The following ZNF133 variants were observed in gnomAD, a reference collection of about 807,000 sequenced individuals.
The protein encoded by ZNF133 is zinc finger protein 133, also known as zinc finger protein 133 (clone pHZ-13).
Under a neutral mutation model 54.9 loss-of-function variants are expected in ZNF133, and 26 were observed. That is an observed-to-expected ratio of 0.47 (90% CI 0.35 to 0.66). The LOEUF (loss-of-function observed/expected upper bound fraction) is 0.66, where lower values mean the gene tolerates loss of function less well. ZNF133 is among the 30% of genes least tolerant of loss of function. ZNF133 has a pLI of 0.01. For missense variants in ZNF133, 653 were observed against 820.8 expected (o/e 0.80, Z 2.50); for synonymous variants, 298 against 320.3 (o/e 0.93, Z 0.74).
intron 6 of ZNF133, among the ~76,000 whole-genome samples, chr20:18,312,016 G>T (rs1045274345): frequency 6.6e-6 from 1 of 152,160 alleles, no homozygotes; most frequent in African/African-American, 2.4e-5. Context: ...TGTTTGGTTG[G>T]TTGGTTGGTT....
intron 6 of ZNF133, chr20:18,313,752 A>G (rs1282037928): frequency 2.0e-5 from 3 of 152,196 alleles, no homozygotes; most frequent in Non-Finnish European, 4.4e-5. Context: ...AACCAAATAA[A>G]CTTAGTGAGA....
chr20:18,288,818 G>A (rs573489883), intron 1 of ZNF133, among the ~76,000 whole-genome samples: 1 of 152,276 alleles, frequency 6.6e-6, no homozygotes, highest in African/African-American at 2.4e-5. Flanking sequence ...GGGGAGTTGG[G>A]TGAAGCCCAT....
chr20:18,310,189 T>G (rs1301689782), intron 6 of ZNF133: 1 of 1,390,682 alleles, frequency 7.2e-7, no homozygotes. Flanking sequence ...GCTCTTACAA[T>G]GATGTTGAGC....
Position 18,316,961 on chromosome 20 carries a change from G to A in ZNF133, c.*145G>A, listed in dbSNP as rs978184384. On this transcript the variant is annotated 3_prime_UTR_variant, in exon 7 of 7. Coordinates refer to ENST00000425686, the MANE Select transcript of ZNF133 (RefSeq NM_001352452.2). ...GTCTTCTCCATGTTTTGTGGCCTTC[G>A]GTTGTAATAAACTTGGCTTCTTTAT... is the stretch of plus-strand genomic sequence containing the variant. 2.2e-5 allele frequency: 24 copies of A among 1,067,726 alleles called. No individual in the cohort carries two copies. The highest frequency in any genetic ancestry group is 6.4e-5 in the African/African-American group (4 of 62,446). The allele number at this position is 1,067,726 out of a possible 1,614,324, so 66.1% of individuals were successfully genotyped here.
At chr20:18,313,358 C>T (rs922722740) in intron 6 of ZNF133, 1 of 152,184 alleles carries the variant, frequency 6.6e-6, no homozygotes, top group African/African-American at 2.4e-5. Flanking sequence ...AAATAAAAGC[C>T]TGCCACTTTA....
chr20:18,306,246 A>G, intron 5 of ZNF133, 52 bp from the exon 6 acceptor site: 1 of 1,547,746 alleles, frequency 6.5e-7, no homozygotes, highest in Non-Finnish European at 8.8e-7. Flanking sequence ...GAATTCTTGA[A>G]TGGGCTCTTG....
chr20:18,290,716 T>C (rs1281780067), intron 1 of ZNF133, among the ~76,000 whole-genome samples: 6 of 152,180 alleles, frequency 3.9e-5, no homozygotes, highest in Admixed American at 3.9e-4. Flanking sequence ...CTCTGCCTCA[T>C]TTCTCCTCCT....
intron 6 of ZNF133, 181 bp from the exon 7 acceptor site, chr20:18,314,888 T>G: frequency 1.8e-6 from 1 of 558,794 alleles, no homozygotes; most frequent in East Asian, 3.0e-5. Flanking sequence ...AAGTGGGTTT[T>G]CTAGATTGTA....
rs367680939 is a variant in ZNF133, at chr20:18,305,661, G to A, written c.-6-20G>A. 8 of 1,613,942 alleles carry A rather than the reference G, an allele frequency of 5.0e-6. No homozygotes were observed. The African/African-American group carries it at 9.3e-5, about 19-fold the overall frequency. On this transcript the variant is annotated intron_variant, in intron 4 of 6. Coordinates refer to ENST00000425686, the MANE Select transcript of ZNF133 (RefSeq NM_001352452.2). This position sits in a 1 kb window ranked among gnomAD's most constrained non-coding sequence, Gnocchi z 4.7. ...GCAAGGCTGGCTTCTGAGTGAGCAGGGCTCAGTTTTGTGTTACAGGCACAC... is the reference window on the plus strand; with the variant it reads ...GCAAGGCTGGCTTCTGAGTGAGCAGAGCTCAGTTTTGTGTTACAGGCACAC...
intron 3 of ZNF133, among the ~76,000 whole-genome samples, chr20:18,302,178 A>T (rs1486735526): frequency 1.3e-5 from 2 of 152,144 alleles, no homozygotes; most frequent in African/African-American, 4.8e-5. Flanking sequence ...AGGTTGGTGG[A>T]TCACCTGAGG....
At chr20:18,292,052 T>C (rs1409141999) in intron 1 of ZNF133, among the ~76,000 whole-genome samples, 2 of 152,200 alleles carry the variant, frequency 1.3e-5, no homozygotes, top group African/African-American at 4.8e-5. Flanking sequence ...TCCTTGATCC[T>C]GTCTTGCTCT....
chr20:18,305,614 C>T lies in ZNF133; in HGVS notation c.-6-67C>T. The T allele has an allele frequency of 1.2e-6, 2 of 1,610,770 alleles. No individual in the cohort carries two copies. The highest frequency in any genetic ancestry group is 2.2e-5 in the South Asian group (2 of 90,802). ...CTGCCTCCCCCAGGGCAGCCTTATC[C>T]CTGCCCCTCACCCTGCCATGGGCAA... On this transcript the variant is annotated intron_variant, in intron 4 of 6. Coordinates refer to ENST00000425686, the MANE Select transcript of ZNF133 (RefSeq NM_001352452.2). This position sits in a 1 kb window ranked among gnomAD's most constrained non-coding sequence, Gnocchi z 4.7.
chr20:18,302,859 A>G (rs1339695959), intron 3 of ZNF133, among the ~76,000 whole-genome samples: 1 of 152,204 alleles, frequency 6.6e-6, no homozygotes, highest in Non-Finnish European at 1.5e-5. Flanking sequence ...TTGCATATCT[A>G]TACACTTAAC....
intron 6 of ZNF133, chr20:18,312,979 G>GGAT (rs10630978): frequency 1 from 151,596 of 152,318 alleles, 75,439 homozygotes; most frequent in East Asian, 1. Context: ...CAAAGTGCTG[G>GGAT]TACAGGCGTG....
At chr20:18,312,518 A>T (rs2046303731) in intron 6 of ZNF133, 1 of 152,212 alleles carries the variant, frequency 6.6e-6, no homozygotes, top group Non-Finnish European at 1.5e-5. Flanking sequence ...CCAGCTAGTA[A>T]GGTTGTTTAC....
At chr20:18,291,864 AC>A (rs1341704936) in intron 1 of ZNF133, among the ~76,000 whole-genome samples, 1 of 151,994 alleles carries the variant, frequency 6.6e-6, no homozygotes, top group African/African-American at 2.4e-5. Flanking sequence ...GGTGTGTGCC[AC>A]CCCACTTGGA....
chr20:18,291,449 C>A (rs1179886805), intron 1 of ZNF133, among the ~76,000 whole-genome samples: 2 of 152,144 alleles, frequency 1.3e-5, no homozygotes, highest in Non-Finnish European at 1.5e-5. Context: ...GGTACTAGGT[C>A]TTCCTGGTTT....
In ZNF133 at chr20:18,315,684, G is replaced by T; in HGVS notation, c.833G>T (p.Gly278Val). 1 of 1,613,980 alleles carries T rather than the reference G, an allele frequency of 6.2e-7. No homozygotes were observed. Among genetic ancestry groups the T allele is most frequent in the Non-Finnish European group, 8.5e-7 (1 of 1,179,892 alleles). ...ATTGTGTGCAGGGAGTGTGGACGAG[G>T]CTTTAACCGGAAGTCAACGCTAATC... ...KPIVCRECGR[G>V]FNRKSTLIIH... is the part of the protein sequence containing the mutation. The change falls in exon 7 of 7, where the codon GGC (glycine) becomes GTC (valine). Residue 278 changes from glycine (G) to valine (V), a missense_variant. Transcript: ENST00000425686.
intron 6 of ZNF133, chr20:18,310,147 T>C: frequency 7.6e-7 from 1 of 1,320,726 alleles, no homozygotes; most frequent in African/African-American, 1.5e-5. Context: ...GTCTCGTTTT[T>C]AATCCTTGTT....
Sources: allele counts gnomAD v4.1 joint callset (sites outside exome capture counted in the v4.1 genomes callset), GRCh38; gene constraint gnomAD v4.1.1; non-coding constraint Gnocchi (gnomAD v3.1); transcripts MANE v1.5; gene names NCBI Gene and HGNC (gene_info 2026-07-23, HGNC 2026-07-21).